Variants in OTUD7B observed in about 807,000 individuals in gnomAD.
The protein encoded by OTUD7B is OTU deubiquitinase 7B, also known as OTU domain-containing protein 7B.
Under a neutral mutation model 82.2 loss-of-function variants are expected in OTUD7B, and 34 were observed. That is an observed-to-expected ratio of 0.41 (90% CI 0.31 to 0.55). The LOEUF is 0.55. OTUD7B is among the 20% of genes least tolerant of loss of function. The pLI is 0.20. For synonymous variants in OTUD7B, 398 were observed against 402.7 expected, an observed-to-expected ratio of 0.99 and a Z score of 0.14; for missense variants, 944 against 1,062.1, an observed-to-expected ratio of 0.89 and a Z score of 1.55.
intron 1 of OTUD7B, among the ~76,000 whole-genome samples, chr1:149,982,524 A>C (rs1650827278): frequency 6.6e-6 from 1 of 152,076 alleles, no homozygotes; most frequent in Non-Finnish European, 1.5e-5. Context: ...CAGGAGTTTG[A>C]TCTTGGCTCA....
At chr1:150,053,053 A>G in the OTUD7B span, among the ~76,000 whole-genome samples, 1 of 152,182 alleles carries the variant, frequency 6.6e-6, no homozygotes, top group Non-Finnish European at 1.5e-5. Context: ...TGGAATAAAT[A>G]CTTAAATATA....
the OTUD7B span, among the ~76,000 whole-genome samples, chr1:150,020,230 T>C: frequency 1.3e-5 from 2 of 149,968 alleles, no homozygotes; most frequent in African/African-American, 4.9e-5. Context: ...TGCCTCCTAA[T>C]AGAATTGGAA....
intron 6 of OTUD7B, among the ~76,000 whole-genome samples, chr1:149,960,513 T>C (rs1223679214): frequency 2.0e-5 from 3 of 150,312 alleles, no homozygotes; most frequent in Non-Finnish European, 3.0e-5. Flanking sequence ...GCCTCTCGAG[T>C]AGCTGGGATT....
At chr1:150,033,265 T>C in the OTUD7B span, among the ~76,000 whole-genome samples, 2 of 152,214 alleles carry the variant, frequency 1.3e-5, no homozygotes, top group African/African-American at 2.4e-5. Flanking sequence ...TCTGACGTTA[T>C]TGATATCTGT....
chr1:149,987,315 A>G (rs1345522598), intron 1 of OTUD7B, among the ~76,000 whole-genome samples: 1 of 152,238 alleles, frequency 6.6e-6, no homozygotes, highest in Admixed American at 6.5e-5. Context: ...GTGGAAGTCC[A>G]CCCTCACTGC....
At chr1:149,952,488 T>C (rs1648339298) in intron 7 of OTUD7B, among the ~76,000 whole-genome samples, 2 of 152,184 alleles carry the variant, frequency 1.3e-5, no homozygotes, top group Non-Finnish European at 2.9e-5. Context: ...TTTGCTATTG[T>C]GAATAGTGCC....
intron 1 of OTUD7B, among the ~76,000 whole-genome samples, chr1:149,999,821 C>A (rs929405902): frequency 2.0e-5 from 3 of 152,140 alleles, no homozygotes; most frequent in Non-Finnish European, 4.4e-5. Context: ...AACACTAAAG[C>A]CTCAGAGGAA....
chr1:149,950,016 C>A, intron 8 of OTUD7B, 78 bp downstream of exon 8: 1 of 1,570,962 alleles, frequency 6.4e-7, no homozygotes, highest in African/African-American at 1.4e-5. Context: ...CCCTTTCCTG[C>A]CTTCCTTCCA....
chr1:150,050,535 G>A, the OTUD7B span: 1 of 152,034 alleles, frequency 6.6e-6, no homozygotes, highest in South Asian at 2.1e-4. Context: ...TCCAAGTCCA[G>A]AACACCTGTT....
At chr1:149,997,111 G>A (rs1559863542) in intron 1 of OTUD7B, among the ~76,000 whole-genome samples, 1 of 152,176 alleles carries the variant, frequency 6.6e-6, no homozygotes, top group African/African-American at 2.4e-5. Context: ...AACAGTGCCA[G>A]TCCCTTACGG....
chr1:150,063,729 T>A, the OTUD7B span, among the ~76,000 whole-genome samples: 1 of 152,216 alleles, frequency 6.6e-6, no homozygotes, highest in African/African-American at 2.4e-5. Flanking sequence ...GAACTCTTCA[T>A]GCAGATAATT....
chr1:149,960,413 T>TTTTTTTTTTTTTTTTTTTTTTTTTTTG (rs1366020859), intron 6 of OTUD7B, among the ~76,000 whole-genome samples: 2 of 72,566 alleles, frequency 2.8e-5, no homozygotes, highest in Non-Finnish European at 4.9e-5. Context: ...TTTTTTTTTG[T>TTTTTTTTTTTTTTTTTTTTTTTTTTTG]AGACAGAGTC....
intron 1 of OTUD7B, among the ~76,000 whole-genome samples, chr1:149,996,291 A>G (rs1246789548): frequency 6.6e-6 from 1 of 152,232 alleles, no homozygotes; most frequent in African/African-American, 2.4e-5. Context: ...GGCAAGGGGA[A>G]GAGAGGAAAA....
chr1:149,993,658 TATG>T (rs1169498887), intron 1 of OTUD7B, among the ~76,000 whole-genome samples: 3 of 152,246 alleles, frequency 2.0e-5, no homozygotes, highest in African/African-American at 7.2e-5. Flanking sequence ...AAGGTTTTTT[TATG>T]ATAATATCTA....
the OTUD7B span, among the ~76,000 whole-genome samples, chr1:150,065,238 ATTTTTTGTAT>A: frequency 6.6e-6 from 1 of 151,980 alleles, no homozygotes; most frequent in Non-Finnish European, 1.5e-5. Context: ...TGCCCAACTA[ATTTTTTGTAT>A]TTTTTTGTAC....
intron 6 of OTUD7B, among the ~76,000 whole-genome samples, chr1:149,960,470 C>G (rs956504853): frequency 2.3e-5 from 3 of 129,538 alleles, no homozygotes; most frequent in African/African-American, 8.6e-5. Context: ...CTGCAAACTT[C>G]ACCTCCCGGG....
intron 6 of OTUD7B, 26 bp from the exon 7 acceptor site, chr1:149,959,822 T>A (rs934906177): frequency 6.7e-7 from 1 of 1,498,886 alleles, no homozygotes; most frequent in Non-Finnish European, 9.3e-7. Context: ...GCAGGGGACA[T>A]TGGGCAATTA....
intron 1 of OTUD7B, among the ~76,000 whole-genome samples, chr1:149,988,606 G>A (rs782766442): frequency 1.1e-4 from 17 of 152,150 alleles, no homozygotes; most frequent in Non-Finnish European, 2.4e-4. Flanking sequence ...TGGGAAAATG[G>A]GGGCAGGGAG....
the OTUD7B span, among the ~76,000 whole-genome samples, chr1:150,021,432 C>A: frequency 0.056 from 8,507 of 152,220 alleles, 315 homozygotes; most frequent in Non-Finnish European, 0.088. Context: ...TAATATTAAT[C>A]TGGAAAAACG....
Sources: gnomAD v4.1 joint callset for allele counts (sites outside exome capture counted in the v4.1 genomes callset) on GRCh38, gnomAD v4.1.1 for gene constraint, MANE v1.5 for transcripts, NCBI Gene and HGNC (gene_info 2026-07-23, HGNC 2026-07-21) for gene names.